Variants in UTRN observed in about 807,000 individuals in gnomAD.
UTRN encodes dystrophin-related protein 1.
A neutral mutation model predicts 463.9 loss-of-function variants in UTRN; 283 were observed. The ratio of observed to expected loss-of-function variants is 0.61; its 90% CI spans 0.55 to 0.67. The LOEUF (loss-of-function observed/expected upper bound fraction) is 0.67. Ranked by LOEUF, UTRN falls within the 30% of genes least tolerant of loss-of-function variation. The pLI is 0.00. For missense variants in UTRN, 3,922 were observed against 4,084.3 expected (o/e 0.96, Z 1.08); for synonymous variants, 1,442 against 1,431.5 (o/e 1.01, Z -0.17).
At chr6:144,445,675 ATAAATATTTATGTTTATT>A (rs1489864719) in intron 14 of UTRN, among the ~76,000 whole-genome samples, 1 of 151,994 alleles carries the variant, frequency 6.6e-6, no homozygotes, top group African/African-American at 2.4e-5. Flanking sequence ...ATTTCACTTT[ATAAATATTTATGTTTATT>A]GTGAACCTTG....
chr6:144,393,851 A>G (rs1054323856), intron 2 of UTRN, among the ~76,000 whole-genome samples: 4 of 152,188 alleles, frequency 2.6e-5, no homozygotes, highest in African/African-American at 9.7e-5. Flanking sequence ...CCTTAAGGTT[A>G]TGTAAACTTT....
intron 57 of UTRN, among the ~76,000 whole-genome samples, chr6:144,756,268 TCTAA>T (rs1295854556): frequency 2.6e-4 from 39 of 152,316 alleles, no homozygotes; most frequent in Admixed American, 8.5e-4. Flanking sequence ...TCTTTACAGT[TCTAA>T]CTATCAGTTA....
intron 2 of UTRN, among the ~76,000 whole-genome samples, chr6:144,391,609 C>T (rs1006151324): frequency 5.3e-5 from 8 of 152,070 alleles, no homozygotes; most frequent in African/African-American, 1.7e-4. Context: ...GTTCATACAG[C>T]TTGCATGTAA....
At chr6:144,603,884 A>G (rs1022905389) in intron 51 of UTRN, among the ~76,000 whole-genome samples, 2 of 152,134 alleles carry the variant, frequency 1.3e-5, no homozygotes, top group African/African-American at 2.4e-5. Flanking sequence ...GGTCTAGTCA[A>G]CTCTTGACAC....
chr6:144,836,154 A>T (rs918896771), intron 70 of UTRN, 147 bp from the exon 71 acceptor site: 5 of 1,451,722 alleles, frequency 3.4e-6, no homozygotes, highest in Non-Finnish European at 3.7e-6. Context: ...TAAAACTACA[A>T]TTTTATTCCT....
chr6:144,470,673 G>T (rs915743533), intron 23 of UTRN, among the ~76,000 whole-genome samples: 2 of 152,128 alleles, frequency 1.3e-5, no homozygotes, highest in Non-Finnish European at 2.9e-5. Context: ...GGCCAAAGCA[G>T]GCGGCTGGGA....
intron 26 of UTRN, among the ~76,000 whole-genome samples, chr6:144,481,774 T>C (rs1024665272): frequency 2.6e-5 from 4 of 152,226 alleles, no homozygotes; most frequent in African/African-American, 9.6e-5. Context: ...AACGCTCAAC[T>C]GGGCTGGGTG....
At chr6:144,357,246 C>T (rs192346499) in intron 2 of UTRN, among the ~76,000 whole-genome samples, 129 of 152,224 alleles carry the variant, frequency 8.5e-4, no homozygotes, top group African/African-American at 3.0e-3. Context: ...GGAGCCTGTA[C>T]TTTGGCTCAT....
chr6:144,438,653 C>G, intron 11 of UTRN, 92 bp from the exon 12 acceptor site: 1 of 1,513,442 alleles, frequency 6.6e-7, no homozygotes, highest in Non-Finnish European at 9.0e-7. Context: ...AGGGTGTCTT[C>G]CCTTGCCCTG....
At position 144,537,588 on chromosome 6, in the gene UTRN, A is replaced by C. The variant is rs1797647131; in HGVS notation, c.6240A>C (p.Lys2080Asn). The change falls in exon 44 of 75, where the codon AAA becomes AAC. Residue 2080 changes from lysine (K) to asparagine (N), a missense_variant. Coordinates refer to ENST00000367545, the MANE Select transcript of UTRN (RefSeq NM_007124.3). ...AAATAATATATTCTTTTAGGCTAAA[A>C]GGAGAAAGTAAGCAGGTGATGAAGT... The part of the protein sequence containing the change: ...AEVKDRQPRL[K>N]GESKQVMKYR... The C allele has an allele frequency of 1.3e-6, 2 of 1,578,058 alleles. No individual in the cohort carries two copies. The highest frequency in any genetic ancestry group is 1.7e-6 in the Non-Finnish European group (2 of 1,164,882).
intron 51 of UTRN, among the ~76,000 whole-genome samples, chr6:144,658,542 C>A (rs928613584): frequency 1.1e-5 from 1 of 93,964 alleles, no homozygotes; most frequent in Non-Finnish European, 2.6e-5. Flanking sequence ...TTTAGGGGTT[C>A]CCCCCCCCAC....
At position 144,548,632 on chromosome 6, in the gene UTRN, C is replaced by T. The variant is rs201654505; in HGVS notation, c.6596-8C>T. 5.0e-6 allele frequency: 8 copies of T among 1,608,650 alleles called. No homozygotes were observed. Among genetic ancestry groups the T allele is most frequent in the Admixed American group, 3.4e-5 (2 of 59,496 alleles). Reference sequence around the variant, plus strand: ...TTAATTTCTCTTTTGCTACATTTTTCATTTCAGCTCATCCTAATGTCCAAA... The same window carrying T: ...TTAATTTCTCTTTTGCTACATTTTTTATTTCAGCTCATCCTAATGTCCAAA... On this transcript the variant is annotated splice_region_variant and splice_polypyrimidine_tract_variant and intron_variant, in intron 46 of 74. Transcript: ENST00000367545.
intron 2 of UTRN, among the ~76,000 whole-genome samples, chr6:144,346,929 A>C (rs887670673): frequency 6.6e-6 from 1 of 150,664 alleles, no homozygotes; most frequent in South Asian, 2.1e-4. Context: ...ATCGATCTCT[A>C]TCTTTATCCA....
chr6:144,339,304 T>C (rs1776957650), intron 2 of UTRN, among the ~76,000 whole-genome samples: 1 of 152,208 alleles, frequency 6.6e-6, no homozygotes, highest in Non-Finnish European at 1.5e-5. Flanking sequence ...TCAGAAATAT[T>C]CATTAGATAG....
chr6:144,740,799 A>G lies in UTRN; in HGVS notation c.7940-7447A>G, dbSNP rs543788170. ...TAGTAATAAAATCTCATTTAAATAA[A>G]CAATAGTCTTCATGAAGAATTATAT... On this transcript the variant is annotated intron_variant, in intron 54 of 74. Coordinates refer to ENST00000367545, the MANE Select transcript of UTRN (RefSeq NM_007124.3). Among the ~76,000 whole-genome samples the G allele has an allele frequency of 3.3e-5, 5 of 152,354 alleles. No homozygotes were observed. The East Asian group carries it at 9.6e-4, about 29-fold the overall frequency.
chr6:144,803,246 A>C, intron 65 of UTRN, 99 bp downstream of exon 65: 1 of 761,448 alleles, frequency 1.3e-6, no homozygotes, highest in Non-Finnish European at 1.8e-6. Context: ...TTTTTGAAAA[A>C]ATATCACTTT....
At chr6:144,448,398 G>A (rs1787906515) in intron 16 of UTRN, among the ~76,000 whole-genome samples, 1 of 152,198 alleles carries the variant, frequency 6.6e-6, no homozygotes, top group African/African-American at 2.4e-5. Context: ...TGGGGAATGG[G>A]GAGTGTTGGT....
chr6:144,678,084 C>A (rs951414090), intron 51 of UTRN, among the ~76,000 whole-genome samples: 1 of 152,018 alleles, frequency 6.6e-6, no homozygotes, highest in African/African-American at 2.4e-5. Context: ...TTTTGCTGCC[C>A]AGAGTAATTG....
chr6:144,341,696 A>C (rs771521116), intron 2 of UTRN, among the ~76,000 whole-genome samples: 7 of 152,186 alleles, frequency 4.6e-5, no homozygotes, highest in Non-Finnish European at 1.0e-4. Context: ...TCAGAGGAAG[A>C]CACATAAAGA....
Sources: allele counts gnomAD v4.1 joint callset (sites outside exome capture counted in the v4.1 genomes callset), GRCh38; gene constraint gnomAD v4.1.1; transcripts MANE v1.5; gene names NCBI Gene and HGNC (gene_info 2026-07-23, HGNC 2026-07-21).